The following PBX1 variants were observed in gnomAD, a reference collection of about 807,000 sequenced individuals.
The protein encoded by PBX1 is PBX homeobox 1, also known as pre-B-cell leukemia transcription factor 1.
PBX1 carries 6 observed loss-of-function variants against 53.4 expected under a neutral mutation model. That is an observed-to-expected ratio of 0.11 (90% CI 0.06 to 0.22). The LOEUF is 0.22. PBX1 is among the 10% of genes least tolerant of loss of function. The pLI is 1.00. For synonymous variants in PBX1, 204 were observed against 212.3 expected (o/e 0.96, Z 0.34); for missense variants, 251 against 551.4 (o/e 0.46, Z 5.46).
At chr1:164,579,590 T>C (rs901764399) in intron 2 of PBX1, among the ~76,000 whole-genome samples, 2 of 152,202 alleles carry the variant, frequency 1.3e-5, no homozygotes, top group African/African-American at 4.8e-5. Flanking sequence ...CTCTGACTCT[T>C]GGAACACACA....
chr1:164,792,663 G>A lies in PBX1; in HGVS notation c.435G>A (p.Val145=), dbSNP rs1340224297. ...GAGGGGCAGGTTCAGACAACTCAGT[G>A]GAGCATTCAGATTACAGAGCCAAAC... The part of the protein sequence containing the change: ...ASGGAGSDNS[V]EHSDYRAKLS... Residue 145 remains valine (V), a synonymous_variant, in exon 3 of 9, where the codon GTG becomes GTA. Coordinates refer to ENST00000420696, the MANE Select transcript of PBX1 (RefSeq NM_002585.4). 2 of 1,613,910 alleles carry A rather than the reference G, an allele frequency of 1.2e-6. No individual in the cohort carries two copies. The highest frequency in any genetic ancestry group is 1.7e-6 in the Non-Finnish European group (2 of 1,179,936).
intron 2 of PBX1, among the ~76,000 whole-genome samples, chr1:164,647,586 A>G (rs1659534094): frequency 6.6e-6 from 1 of 152,114 alleles, no homozygotes; most frequent in Non-Finnish European, 1.5e-5. Flanking sequence ...CCTTCTGCCA[A>G]GTTGTTACGG....
intron 2 of PBX1, among the ~76,000 whole-genome samples, chr1:164,580,582 A>C (rs1263603918): frequency 2.6e-5 from 4 of 151,080 alleles, no homozygotes; most frequent in African/African-American, 9.7e-5. Context: ...TTCCCAGCCA[A>C]GTTTGTTTTT....
At chr1:164,786,681 CTGTGTGTGTGTGTGTGTGTG>C (rs74747780) in intron 2 of PBX1, among the ~76,000 whole-genome samples, 23 of 140,514 alleles carry the variant, frequency 1.6e-4, no homozygotes, top group African/African-American at 4.8e-4. Flanking sequence ...TCAGAAGAGA[CTGTGTGTGTGTGTGTGTGTG>C]TGTGTGTGTG....
intron 2 of PBX1, among the ~76,000 whole-genome samples, chr1:164,878,214 T>A (rs1203948797): frequency 6.6e-6 from 1 of 152,216 alleles, no homozygotes; most frequent in African/African-American, 2.4e-5. Flanking sequence ...GCTGTTTTTT[T>A]CCTCCATAAT....
At chr1:164,597,125 TA>T (rs1411826120) in intron 2 of PBX1, among the ~76,000 whole-genome samples, 2 of 152,250 alleles carry the variant, frequency 1.3e-5, no homozygotes, top group African/African-American at 4.8e-5. Flanking sequence ...ATTTTTGTTT[TA>T]TAAAATGCTC....
intron 2 of PBX1, among the ~76,000 whole-genome samples, chr1:164,635,661 C>T (rs573822408): frequency 3.9e-5 from 6 of 152,308 alleles, no homozygotes; most frequent in African/African-American, 9.6e-5. Context: ...TGCCTCTCCT[C>T]GGACGGATCC....
intron 2 of PBX1, among the ~76,000 whole-genome samples, chr1:164,782,860 G>A (rs1421924663): frequency 3.3e-5 from 5 of 152,086 alleles, no homozygotes; most frequent in East Asian, 1.9e-4. Flanking sequence ...ACATCCTGGC[G>A]GAGAAGGGTG....
intron 2 of PBX1, chr1:164,630,912 A>T (rs1658370166): frequency 1.3e-5 from 2 of 152,216 alleles, no homozygotes; most frequent in Admixed American, 1.3e-4. Flanking sequence ...AGCAAGACTC[A>T]CCTTACTGTA....
chr1:164,662,800 CATT>C (rs796215538), intron 2 of PBX1, among the ~76,000 whole-genome samples: 16 of 151,528 alleles, frequency 1.1e-4, no homozygotes, highest in African/African-American at 3.9e-4. Flanking sequence ...CATTCTATGT[CATT>C]ATGTGCATGC....
intron 8 of PBX1, among the ~76,000 whole-genome samples, chr1:164,822,909 T>C (rs1321312802): frequency 6.6e-6 from 1 of 152,154 alleles, no homozygotes; most frequent in Non-Finnish European, 1.5e-5. Context: ...TTCCCCATCA[T>C]TGGAAAATTC....
At chr1:164,720,937 T>C (rs1664371608) in intron 2 of PBX1, among the ~76,000 whole-genome samples, 2 of 152,170 alleles carry the variant, frequency 1.3e-5, no homozygotes, top group South Asian at 2.1e-4. Context: ...TGACTGTGCC[T>C]TCATTGCAAC....
intron 2 of PBX1, among the ~76,000 whole-genome samples, chr1:164,585,265 G>GGTCTGTGATATCTC (rs1654881503): frequency 6.6e-6 from 1 of 152,142 alleles, no homozygotes; most frequent in African/African-American, 2.4e-5. Flanking sequence ...CTCCCTTAGT[G>GGTCTGTGATATCTC]AAAATTCCTA....
At chr1:164,786,656 G>C (rs550110997) in intron 2 of PBX1, among the ~76,000 whole-genome samples, 7 of 149,522 alleles carry the variant, frequency 4.7e-5, no homozygotes, top group African/African-American at 1.7e-4. Context: ...CCAGAGTATC[G>C]GTGTGCCTTG....
intron 8 of PBX1, among the ~76,000 whole-genome samples, chr1:164,840,596 C>T (rs1056261883): frequency 4.6e-5 from 7 of 152,128 alleles, no homozygotes; most frequent in Non-Finnish European, 1.0e-4. Flanking sequence ...GAGAACACTC[C>T]TTGTTAAGAT....
At chr1:164,570,331 T>C (rs972996954) in intron 2 of PBX1, among the ~76,000 whole-genome samples, 2 of 152,070 alleles carry the variant, frequency 1.3e-5, no homozygotes, top group Non-Finnish European at 2.9e-5. Flanking sequence ...CTACATTAGG[T>C]GTTTCTCTTA....
At chr1:164,751,197 C>G (rs1450599873) in intron 2 of PBX1, among the ~76,000 whole-genome samples, 2 of 151,734 alleles carry the variant, frequency 1.3e-5, no homozygotes, top group African/African-American at 4.8e-5. Flanking sequence ...TGCCTGTAAT[C>G]CCAGCTACTC....
intron 2 of PBX1, among the ~76,000 whole-genome samples, chr1:164,621,204 G>C (rs915745528): frequency 6.6e-6 from 1 of 150,842 alleles, no homozygotes; most frequent in African/African-American, 2.4e-5. Context: ...GGCCTGGATG[G>C]TCTCGATCTC....
chr1:164,824,256 A>G (rs992475434), intron 8 of PBX1, among the ~76,000 whole-genome samples: 16 of 152,134 alleles, frequency 1.1e-4, no homozygotes, highest in African/African-American at 3.9e-4. Context: ...CCTTTAACTG[A>G]CCACACAGCA....
Sources: gnomAD v4.1 joint callset for allele counts (sites outside exome capture counted in the v4.1 genomes callset) on GRCh38, gnomAD v4.1.1 for gene constraint, MANE v1.5 for transcripts, NCBI Gene and HGNC (gene_info 2026-07-23, HGNC 2026-07-21) for gene names.